Variants in FGGY observed in about 807,000 individuals in gnomAD.
The protein encoded by FGGY is FGGY carbohydrate kinase domain-containing protein.
In FGGY, 72 loss-of-function variants were observed where a neutral mutation model predicts 71.3. The ratio of observed to expected loss-of-function variants is 1.01; its 90% CI spans 0.84 to 1.23. The LOEUF (loss-of-function observed/expected upper bound fraction) is 1.23. FGGY is among the 50% of genes most tolerant of loss of function. The pLI is 0.00. For missense variants in FGGY, 668 were observed against 682.3 expected (o/e 0.98, Z 0.23); for synonymous variants, 251 against 250.3 (o/e 1.00, Z -0.02).
intron 14 of FGGY, among the ~76,000 whole-genome samples, chr1:59,746,639 G>A (rs930661154): frequency 2.6e-5 from 4 of 151,928 alleles, no homozygotes; most frequent in African/African-American, 4.8e-5. Flanking sequence ...CTACAAACAC[G>A]TACCATCACA....
chr1:59,711,938 C>T (rs1207133578), intron 14 of FGGY, among the ~76,000 whole-genome samples: 3 of 152,142 alleles, frequency 2.0e-5, no homozygotes, highest in Non-Finnish European at 4.4e-5. Flanking sequence ...CATGCCTTCC[C>T]AACAATCCCC....
chr1:59,390,360 A>T (rs1224473785), intron 5 of FGGY, among the ~76,000 whole-genome samples: 2 of 152,184 alleles, frequency 1.3e-5, no homozygotes, highest in Admixed American at 6.5e-5. Flanking sequence ...CCATAAAGTC[A>T]TCAAGGACAC....
intron 7 of FGGY, among the ~76,000 whole-genome samples, chr1:59,539,726 A>G (rs917900573): frequency 2.0e-5 from 3 of 152,222 alleles, no homozygotes; most frequent in Non-Finnish European, 2.9e-5. Context: ...AAGTACAACC[A>G]TAAAGAAAAG....
At chr1:59,673,079 G>A (rs1249658433) in intron 13 of FGGY, among the ~76,000 whole-genome samples, 1 of 152,092 alleles carries the variant, frequency 6.6e-6, no homozygotes, top group African/African-American at 2.4e-5. Flanking sequence ...CTAGATACTG[G>A]TCTAAATGCC....
At chr1:59,458,567 A>G (rs1301438721) in intron 6 of FGGY, among the ~76,000 whole-genome samples, 2 of 152,210 alleles carry the variant, frequency 1.3e-5, no homozygotes, top group African/African-American at 2.4e-5. Flanking sequence ...TTTAATTAGT[A>G]TATTAGCTCT....
chr1:59,302,951 T>A (rs2042986984), intron 1 of FGGY, among the ~76,000 whole-genome samples: 1 of 152,048 alleles, frequency 6.6e-6, no homozygotes, highest in African/African-American at 2.4e-5. Context: ...TTTGATTACA[T>A]AGATATAGGA....
chr1:59,384,225 C>T (rs2059819947), intron 5 of FGGY, among the ~76,000 whole-genome samples: 1 of 152,010 alleles, frequency 6.6e-6, no homozygotes. Context: ...CATCCCGTTC[C>T]CCCACCCACC....
At chr1:59,647,978 T>A (rs1475591758) in intron 11 of FGGY, among the ~76,000 whole-genome samples, 2 of 89,158 alleles carry the variant, frequency 2.2e-5, no homozygotes, top group Non-Finnish European at 4.3e-5. Context: ...AATTCCCACC[T>A]ATGAGTGAGA....
chr1:59,513,435 G>A (rs1255670371), intron 7 of FGGY, among the ~76,000 whole-genome samples: 1 of 152,152 alleles, frequency 6.6e-6, no homozygotes, highest in Non-Finnish European at 1.5e-5. Flanking sequence ...CATGTTCTTT[G>A]TCCAGAATGA....
At chr1:59,475,371 T>TA (rs975618694) in intron 6 of FGGY, among the ~76,000 whole-genome samples, 1 of 151,860 alleles carries the variant, frequency 6.6e-6, no homozygotes, top group African/African-American at 2.4e-5. Context: ...CACAGGCAAA[T>TA]AAAAAAAATA....
At chr1:59,482,032 C>G (rs1174902526) in intron 6 of FGGY, among the ~76,000 whole-genome samples, 1 of 152,096 alleles carries the variant, frequency 6.6e-6, no homozygotes, top group East Asian at 1.9e-4. Context: ...GATTTATTTC[C>G]CCATGCCATC....
chr1:59,457,909 A>G (rs745701826), intron 6 of FGGY, among the ~76,000 whole-genome samples: 4 of 152,144 alleles, frequency 2.6e-5, no homozygotes, highest in South Asian at 2.1e-4. Flanking sequence ...TACATCTTCT[A>G]TGTCCCAAGC....
chr1:59,463,105 A>G (rs1186252198), intron 6 of FGGY, among the ~76,000 whole-genome samples: 1 of 150,898 alleles, frequency 6.6e-6, no homozygotes, highest in Non-Finnish European at 1.5e-5. Context: ...TGGCACATAT[A>G]CACCATGGAA....
At chr1:59,529,724 T>C (rs2095089177) in intron 7 of FGGY, among the ~76,000 whole-genome samples, 2 of 152,202 alleles carry the variant, frequency 1.3e-5, no homozygotes, top group South Asian at 4.1e-4. Context: ...TCATTGAAGG[T>C]GATCTCAAGC....
intron 14 of FGGY, among the ~76,000 whole-genome samples, chr1:59,723,174 C>CTA (rs1165947738): frequency 6.6e-6 from 1 of 152,132 alleles, no homozygotes; most frequent in African/African-American, 2.4e-5. Flanking sequence ...TGCTCTTGGG[C>CTA]TATTGTCAAT....
At chr1:59,589,701 G>A (rs2096389324) in intron 8 of FGGY, among the ~76,000 whole-genome samples, 1 of 152,164 alleles carries the variant, frequency 6.6e-6, no homozygotes, top group Non-Finnish European at 1.5e-5. Flanking sequence ...GGTACATAAT[G>A]AAATGAAGGC....
At chr1:59,372,498 C>T (rs1397401631) in intron 4 of FGGY, among the ~76,000 whole-genome samples, 6 of 152,170 alleles carry the variant, frequency 3.9e-5, no homozygotes, top group Admixed American at 3.3e-4. Flanking sequence ...GAGCTGGTAC[C>T]ATTCCTTCTG....
At chr1:59,380,585 A>G (rs1393335626) in intron 5 of FGGY, among the ~76,000 whole-genome samples, 2 of 151,624 alleles carry the variant, frequency 1.3e-5, no homozygotes, top group Non-Finnish European at 2.9e-5. Flanking sequence ...CTGGCTGCAT[A>G]AATGTCTTCT....
chr1:59,588,224 C>T (rs547124046), intron 8 of FGGY, among the ~76,000 whole-genome samples: 13 of 151,954 alleles, frequency 8.6e-5, no homozygotes, highest in African/African-American at 2.2e-4. Context: ...TGAAATGAAG[C>T]GAGAAGGGAA....
Sources: allele counts gnomAD v4.1 joint callset (sites outside exome capture counted in the v4.1 genomes callset), GRCh38; gene constraint gnomAD v4.1.1; transcripts MANE v1.5; gene names NCBI Gene and HGNC (gene_info 2026-07-23, HGNC 2026-07-21).